The following RAB3B variants were observed in gnomAD, a reference collection of about 807,000 sequenced individuals.
RAB3B encodes ras-related protein Rab-3B.
Under a neutral mutation model 20.5 loss-of-function variants are expected in RAB3B, and 11 were observed. The observed-to-expected ratio is 0.54, with a 90% CI of 0.34 to 0.89. The LOEUF (loss-of-function observed/expected upper bound fraction) is 0.89, where lower values mean the gene tolerates loss of function less well. Among genes scored for constraint, RAB3B ranks in the 40% least tolerant of loss-of-function variants. The probability of loss-of-function intolerance (pLI) is 0.02; values close to 1 mark genes in which losing one functional copy is unlikely to be tolerated. For missense variants in RAB3B, 225 were observed against 280.9 expected (o/e 0.80, Z 1.42); for synonymous variants, 99 against 106.3 (o/e 0.93, Z 0.42).
intron 2 of RAB3B, among the ~76,000 whole-genome samples, chr1:51,964,971 C>T (rs905609988): frequency 8.5e-5 from 13 of 152,292 alleles, no homozygotes; most frequent in South Asian, 2.1e-4. Flanking sequence ...CAGTAGCTCA[C>T]GCCTGTAATC....
In RAB3B at chr1:51,912,554, A is replaced by AAATATAT. The variant is rs1491223921; in HGVS notation, c.*7372_*7373insATATATT. On this transcript the variant is annotated 3_prime_UTR_variant, in exon 5 of 5. Transcript: ENST00000371655. ...AGACCGTCTCTATTAAAAAAAAAAA[A>AAATATAT]ATATATATATATATATATATATATA... The AAATATAT allele has an allele frequency of 1.9e-4, 3 of 15,502 alleles. No individual in the cohort carries two copies. Among genetic ancestry groups the AAATATAT allele is most frequent in the East Asian group, 3.0e-3 (1 of 328 alleles). 1.0% of individuals were successfully genotyped at this position (15,502 alleles called of 1,614,324 possible). A position where few individuals can be genotyped will look rare whatever the true frequency, so the allele number is the denominator to read the frequency against.
intron 1 of RAB3B, among the ~76,000 whole-genome samples, chr1:51,980,196 A>G (rs1279581842): frequency 6.6e-6 from 1 of 152,184 alleles, no homozygotes; most frequent in African/African-American, 2.4e-5. Context: ...TGGGAGGCCA[A>G]AGTGGGAGGA....
intron 1 of RAB3B, chr1:51,980,451 C>A: frequency 1.9e-6 from 1 of 534,346 alleles, no homozygotes; most frequent in Non-Finnish European, 3.4e-6. Flanking sequence ...AAAACCTCCT[C>A]TCTCCAGTCC....
chr1:51,973,844 T>A (rs936010500), intron 2 of RAB3B, among the ~76,000 whole-genome samples: 1 of 152,188 alleles, frequency 6.6e-6, no homozygotes, highest in Non-Finnish European at 1.5e-5. Context: ...CAATGCCTCC[T>A]CCTATCTCAA....
chr1:51,989,387 G>T (rs1056239589), intron 1 of RAB3B, among the ~76,000 whole-genome samples: 27 of 151,726 alleles, frequency 1.8e-4, no homozygotes, highest in African/African-American at 6.5e-4. Flanking sequence ...TTCTGTCCAC[G>T]ATTCTCTTAT....
At position 51,915,097 on chromosome 1, in the gene RAB3B, A is replaced by G. The variant is rs1391526146; in HGVS notation, c.*4830T>C. ...TCTGAAGAAAAAAATTTGAAAGAGC[A>G]TGAGTCAGACAGAGGAGGGTTCAAA... On this transcript the variant is annotated 3_prime_UTR_variant, in exon 5 of 5. Transcript: ENST00000371655. The G allele has an allele frequency of 6.6e-6, 1 of 152,226 alleles. No homozygotes were observed. Among genetic ancestry groups the G allele is most frequent in the Non-Finnish European group, 1.5e-5 (1 of 68,042 alleles). 9.4% of individuals were successfully genotyped at this position (152,226 alleles called of 1,614,324 possible). A position where few individuals can be genotyped will look rare whatever the true frequency, so the allele number is the denominator to read the frequency against.
chr1:51,983,498 A>G (rs1685113694), intron 1 of RAB3B, among the ~76,000 whole-genome samples: 1 of 152,218 alleles, frequency 6.6e-6, no homozygotes, highest in African/African-American at 2.4e-5. Context: ...TGTGTATAGT[A>G]AGCTATACCA....
intron 2 of RAB3B, among the ~76,000 whole-genome samples, chr1:51,959,401 A>C (rs1341897510): frequency 6.6e-6 from 1 of 151,934 alleles, no homozygotes; most frequent in Non-Finnish European, 1.5e-5. Flanking sequence ...GGTCCCATCC[A>C]CTCTGGAGGC....
intron 2 of RAB3B, among the ~76,000 whole-genome samples, chr1:51,942,006 G>C (rs1022348233): frequency 6.6e-6 from 1 of 152,194 alleles, no homozygotes; most frequent in African/African-American, 2.4e-5. Flanking sequence ...TTGTGACTAA[G>C]AAACATTGAC....
At chr1:51,963,973 G>A (rs1047554990) in intron 2 of RAB3B, among the ~76,000 whole-genome samples, 6 of 151,840 alleles carry the variant, frequency 4.0e-5, no homozygotes, top group African/African-American at 9.7e-5. Context: ...ACCACCATAC[G>A]AACGTGCTGC....
At chr1:51,933,211 T>A in intron 4 of RAB3B, 107 bp downstream of exon 4, 1 of 1,238,210 alleles carries the variant, frequency 8.1e-7, no homozygotes, top group South Asian at 1.5e-5. Context: ...TAATTCACAA[T>A]CACAACACTA....
chr1:51,958,336 G>A (rs1684737536), intron 2 of RAB3B, among the ~76,000 whole-genome samples: 1 of 152,154 alleles, frequency 6.6e-6, no homozygotes, highest in Admixed American at 6.5e-5. Context: ...AGGATGACAA[G>A]ACCTCCTCTT....
intron 4 of RAB3B, among the ~76,000 whole-genome samples, chr1:51,929,722 A>C (rs1684297130): frequency 1.3e-5 from 2 of 152,166 alleles, no homozygotes; most frequent in African/African-American, 4.8e-5. Flanking sequence ...AGCTGTATTG[A>C]GCCATAATTC....
chr1:51,942,367 A>G (rs531632347), intron 2 of RAB3B, among the ~76,000 whole-genome samples: 2 of 152,366 alleles, frequency 1.3e-5, no homozygotes, highest in South Asian at 2.1e-4. Flanking sequence ...TATATACCCC[A>G]TAAATGAGTT....
At chr1:51,933,825 C>T (rs1205040685) in intron 3 of RAB3B, among the ~76,000 whole-genome samples, 4 of 152,186 alleles carry the variant, frequency 2.6e-5, no homozygotes, top group Non-Finnish European at 5.9e-5. Flanking sequence ...GACACATACC[C>T]TCCTATGACA....
At chr1:51,990,306 T>C (rs1187137373) in intron 1 of RAB3B, among the ~76,000 whole-genome samples, 2 of 120,908 alleles carry the variant, frequency 1.7e-5, no homozygotes, top group African/African-American at 6.4e-5. Context: ...CAGCGCCGTC[T>C]TTCTTGCTCC....
chr1:51,958,129 G>A (rs1273388770), intron 2 of RAB3B, among the ~76,000 whole-genome samples: 1 of 152,162 alleles, frequency 6.6e-6, no homozygotes, highest in South Asian at 2.1e-4. Flanking sequence ...GTCCTGGGAT[G>A]GCTCTAGTAC....
At chr1:51,930,273 T>C (rs1363642675) in intron 4 of RAB3B, among the ~76,000 whole-genome samples, 4 of 152,250 alleles carry the variant, frequency 2.6e-5, no homozygotes, top group African/African-American at 9.6e-5. Context: ...TTAACCTCTC[T>C]GAACCTCATT....
Position 51,971,711 on chromosome 1 carries a change from G to A in RAB3B, c.228+5179C>T, listed in dbSNP as rs551083383. Among the ~76,000 whole-genome samples the A allele has an allele frequency of 1.1e-4, 17 of 152,174 alleles. No individual in the cohort carries two copies. The East Asian group carries it at 2.7e-3, about 24-fold the overall frequency. On this transcript the variant is annotated intron_variant, in intron 2 of 4. Coordinates refer to ENST00000371655, the MANE Select transcript of RAB3B (RefSeq NM_002867.4). ...CCTCCCAAAGTGCCGGATTACAGGC[G>A]TGGGCCACTGCACCCAGACCACACT...
Sources: gnomAD v4.1 joint callset for allele counts (sites outside exome capture counted in the v4.1 genomes callset) on GRCh38, gnomAD v4.1.1 for gene constraint, MANE v1.5 for transcripts, NCBI Gene and HGNC (gene_info 2026-07-23, HGNC 2026-07-21) for gene names.